Variants in VPS13C observed in about 807,000 individuals in gnomAD.
VPS13C encodes the protein intermembrane lipid transfer protein VPS13C.
VPS13C carries 358 observed loss-of-function variants against 456.8 expected under a neutral mutation model. The observed-to-expected ratio is 0.78, with a 90% confidence interval of 0.72 to 0.86. The LOEUF is 0.86. Among genes scored for constraint, VPS13C ranks in the 40% least tolerant of loss-of-function variants. The probability of loss-of-function intolerance (pLI) is 0.00; values close to 1 mark genes in which losing one functional copy is unlikely to be tolerated. For missense variants in VPS13C, 4,818 were observed against 4,385.4 expected (o/e 1.10, Z -2.79); for synonymous variants, 1,578 against 1,486.7 (o/e 1.06, Z -1.41).
chr15:62,036,491 T>C (rs1022877138), intron 3 of VPS13C, among the ~76,000 whole-genome samples: 5 of 152,136 alleles, frequency 3.3e-5, no homozygotes, highest in African/African-American at 4.8e-5. Context: ...TCTCTTCAGC[T>C]TGTAAACCTG....
chr15:62,033,949 C>T (rs181197500), intron 4 of VPS13C, among the ~76,000 whole-genome samples: 1 of 150,564 alleles, frequency 6.6e-6, no homozygotes, highest in African/African-American at 2.4e-5. Context: ...GAGAGTAATT[C>T]GGAATACATA....
At chr15:62,014,592 G>A (rs2047162125) in intron 9 of VPS13C, among the ~76,000 whole-genome samples, 1 of 152,038 alleles carries the variant, frequency 6.6e-6, no homozygotes, top group African/African-American at 2.4e-5. Context: ...AAAAATAAAT[G>A]GTATGGATAC....
At position 62,035,069 on chromosome 15, in the gene VPS13C, T is replaced by C. The variant is rs999292101; in HGVS notation, c.188-17A>G. On this transcript the variant is annotated splice_polypyrimidine_tract_variant and intron_variant, in intron 3 of 84. Transcript: ENST00000644861. ...TTAATTTATCTAAGGAAACATAATT[T>C]CAACCTTAAATTATTATTTGACTGC... The C allele has an allele frequency of 7.0e-6, 11 of 1,565,254 alleles. No homozygotes were observed. The Admixed American group carries it at 1.4e-4, about 20-fold the overall frequency.
chr15:61,881,382 T>C (rs1398151062), intron 71 of VPS13C, among the ~76,000 whole-genome samples, 181 bp downstream of exon 71: 4 of 152,174 alleles, frequency 2.6e-5, no homozygotes, highest in African/African-American at 9.6e-5. Context: ...CTTTAAAATA[T>C]GTAGAGACTA....
Position 61,880,886 on chromosome 15 carries a change from G to A in VPS13C, c.9845C>T (p.Ala3282Val), listed in dbSNP as rs529697844. The A allele has an allele frequency of 2.5e-6, 4 of 1,610,516 alleles. No homozygotes were observed. Among genetic ancestry groups the A allele is most frequent in the Admixed American group, 1.7e-5 (1 of 59,618 alleles). Residue 3282 changes from alanine (A) to valine (V), a missense_variant, in exon 72 of 85, where the codon GCA (alanine) becomes GTA (valine). Physicochemically the swap from Ala to Val is moderately conservative, Grantham distance 64 (BLOSUM62 0). Around this residue, in one of 3 missense-constraint regions of VPS13C, gnomAD observed 4,552 missense variants for 4,130.6 expected, o/e 1.10. Transcript: ENST00000644861. ...AGGGTCTGTTGTTGGGGTAAACAGTGCAATAATAGCTCCTAGAAACCCTTG... is the reference window on the plus strand; with the variant it reads ...AGGGTCTGTTGTTGGGGTAAACAGTACAATAATAGCTCCTAGAAACCCTTG... ...IDQGFLGAII[A>V]LFTPTTDPEA...
chr15:61,900,584 A>G (rs920812304), intron 66 of VPS13C, among the ~76,000 whole-genome samples: 10 of 151,844 alleles, frequency 6.6e-5, no homozygotes, highest in African/African-American at 2.2e-4. Context: ...GGAGAACTAC[A>G]AACCACTGCT....
intron 16 of VPS13C, among the ~76,000 whole-genome samples, chr15:61,992,407 G>T (rs79382547): frequency 0.011 from 1,715 of 152,050 alleles, 30 homozygotes; most frequent in African/African-American, 0.039. Context: ...AAAATAAAGG[G>T]GATAAGTAAT....
In VPS13C at chr15:61,911,536, T is replaced by C. The variant is rs1237536227; in HGVS notation, c.8715+304A>G. Among the ~76,000 whole-genome samples, 3 of 152,198 alleles carry C rather than the reference T, an allele frequency of 2.0e-5. No homozygotes were observed. The East Asian group carries it at 5.8e-4, about 29-fold the overall frequency. ...TAGCTTCTTGAATATAGAGACATTA[T>C]CTTGACTATGGAGACACCACACAGT... is the stretch of plus-strand genomic sequence containing the variant. On this transcript the variant is annotated intron_variant, in intron 63 of 84. Transcript: ENST00000644861.
intron 61 of VPS13C, among the ~76,000 whole-genome samples, chr15:61,914,356 G>A (rs1426830993): frequency 6.6e-6 from 1 of 151,922 alleles, no homozygotes; most frequent in East Asian, 2.0e-4. Flanking sequence ...ATCACCTAAG[G>A]TCAGGAGTTC....
At chr15:61,908,645 C>T (rs529526994) in intron 65 of VPS13C, among the ~76,000 whole-genome samples, 29 of 152,130 alleles carry the variant, frequency 1.9e-4, no homozygotes, top group Non-Finnish European at 2.4e-4. Flanking sequence ...AGGTTCACTC[C>T]CTTATCTGCC....
At position 61,856,189 on chromosome 15, in the gene VPS13C, TAAC is replaced by T. The variant is rs899292703; in HGVS notation, c.11076+94_11076+96del. On this transcript the variant is annotated intron_variant, in intron 83 of 84. Coordinates refer to ENST00000644861, the MANE Select transcript of VPS13C (RefSeq NM_020821.3). ...TTCACATCTCAGCATATAGTAGTAA[TAAC>T]GACACTAATCCTTCAAATATTTTGT... The T allele has an allele frequency of 1.3e-5, 19 of 1,425,770 alleles. No individual in the cohort carries two copies. The African/African-American group carries it at 2.3e-4, about 17-fold the overall frequency. The allele number at this position is 1,425,770 out of a possible 1,614,324, so 88.3% of individuals were successfully genotyped here.
chr15:62,029,109 G>A (rs546483525), intron 5 of VPS13C, among the ~76,000 whole-genome samples: 2 of 152,118 alleles, frequency 1.3e-5, no homozygotes, highest in Non-Finnish European at 1.5e-5. Context: ...GAGCCAGACC[G>A]GATTCAAATT....
At chr15:62,058,066 T>G in intron 1 of VPS13C, among the ~76,000 whole-genome samples, 1 of 152,336 alleles carries the variant, frequency 6.6e-6, no homozygotes, top group South Asian at 2.1e-4. Context: ...TATCATCCAG[T>G]ATGATTTAAA....
intron 76 of VPS13C, among the ~76,000 whole-genome samples, chr15:61,875,406 A>G (rs1273964739): frequency 1.3e-5 from 2 of 152,020 alleles, no homozygotes. Context: ...GACAGCTTGA[A>G]TATGAAACAA....
At chr15:61,986,409 T>C (rs2046056222) in intron 18 of VPS13C, among the ~76,000 whole-genome samples, 1 of 151,964 alleles carries the variant, frequency 6.6e-6, no homozygotes, top group Non-Finnish European at 1.5e-5. Context: ...AACAGTAATA[T>C]ATAAAGAGCT....
intron 77 of VPS13C, among the ~76,000 whole-genome samples, chr15:61,874,566 A>C (rs1483385328): frequency 2.6e-5 from 4 of 152,074 alleles, no homozygotes; most frequent in Non-Finnish European, 5.9e-5. Context: ...TTAAACTAAT[A>C]GGTGCTTAAA....
intron 16 of VPS13C, among the ~76,000 whole-genome samples, chr15:61,992,919 T>A (rs1187303363): frequency 6.6e-6 from 1 of 152,054 alleles, no homozygotes; most frequent in Non-Finnish European, 1.5e-5. Context: ...CAGCCAAGGT[T>A]CAGAACCACT....
chr15:61,875,757 T>C lies in VPS13C; in HGVS notation c.10313A>G (p.Glu3438Gly). ...GLIRGLSEGV[E>G]ALFYEPFQGA... Reference sequence around the variant, plus strand: ...CTGGAAGGGTTCATAGAATAAAGCTTCAACTCCTTCAGACAGACCTCTAAT... The same window carrying C: ...CTGGAAGGGTTCATAGAATAAAGCTCCAACTCCTTCAGACAGACCTCTAAT... The change falls in exon 76 of 85, where the codon GAA becomes GGA. Residue 3438 changes from glutamate (E) to glycine (G), a missense_variant. Coordinates refer to ENST00000644861, the MANE Select transcript of VPS13C (RefSeq NM_020821.3). 1 of 1,611,130 alleles carries C rather than the reference T, an allele frequency of 6.2e-7. No homozygotes were observed. Among genetic ancestry groups the C allele is most frequent in the Non-Finnish European group, 8.5e-7 (1 of 1,178,644 alleles).
At chr15:61,864,158 G>T in intron 81 of VPS13C, 2 of 243,556 alleles carry the variant, frequency 8.2e-6, no homozygotes, top group Non-Finnish European at 1.3e-5. Flanking sequence ...TTAAACATGC[G>T]TGGGGAAGTA....
Sources: gnomAD v4.1 joint callset for allele counts (sites outside exome capture counted in the v4.1 genomes callset) on GRCh38, gnomAD v4.1.1 for gene constraint, gnomAD v4.1.1 regional missense constraint, MANE v1.5 for transcripts, NCBI Gene and HGNC (gene_info 2026-07-23, HGNC 2026-07-21) for gene names.